SPIN1: variants seen among roughly 807,000 people sequenced by gnomAD.
SPIN1 encodes the protein spindlin-1.
SPIN1 carries 3 observed loss-of-function variants against 26.0 expected under a neutral mutation model. That is an observed-to-expected ratio of 0.12 (90% CI 0.05 to 0.30). The LOEUF is 0.30. Among genes scored for constraint, SPIN1 ranks in the 10% least tolerant of loss-of-function variants. SPIN1 has a pLI of 1.00. For missense variants in SPIN1, 126 were observed against 333.4 expected (o/e 0.38, Z 4.84); for synonymous variants, 101 against 116.5 (o/e 0.87, Z 0.86).
chr9:88,455,667 T>G (rs564140458), intron 3 of SPIN1, among the ~76,000 whole-genome samples: 14 of 152,298 alleles, frequency 9.2e-5, no homozygotes, highest in South Asian at 2.1e-4. Context: ...TTTTTACACT[T>G]GTGGGTTTTT....
At chr9:88,396,193 C>T (rs1186523175) in intron 1 of SPIN1, among the ~76,000 whole-genome samples, 1 of 149,028 alleles carries the variant, frequency 6.7e-6, no homozygotes, top group Non-Finnish European at 1.5e-5. Flanking sequence ...GAGCTGAGAT[C>T]GCGCCATTGC....
intron 1 of SPIN1, among the ~76,000 whole-genome samples, chr9:88,393,445 GTTTTTTTTTTTTTTTT>G (rs57244433): frequency 2.3e-5 from 2 of 88,428 alleles, no homozygotes; most frequent in African/African-American, 5.6e-5. Context: ...TTGCTTTTGG[GTTTTTTTTTTTTTTTT>G]TTTTTTTTTT....
chr9:88,458,857 C>A (rs1828524747), intron 3 of SPIN1, among the ~76,000 whole-genome samples: 1 of 152,092 alleles, frequency 6.6e-6, no homozygotes, highest in South Asian at 2.1e-4. Context: ...TCCGAGGAGG[C>A]CAGTTTTTTT....
At chr9:88,410,574 A>C in intron 1 of SPIN1, 1 of 843,676 alleles carries the variant, frequency 1.2e-6, no homozygotes, top group Admixed American at 1.7e-5. Flanking sequence ...TACTGGAACC[A>C]CCATAGTAGC....
At chr9:88,433,273 G>A (rs1158525852) in intron 2 of SPIN1, among the ~76,000 whole-genome samples, 1 of 152,032 alleles carries the variant, frequency 6.6e-6, no homozygotes, top group Non-Finnish European at 1.5e-5. Flanking sequence ...TGTAGAGATG[G>A]GGTTTCGCCA....
intron 3 of SPIN1, 42 bp from the exon 4 acceptor site, chr9:88,462,454 C>T (rs1828593442): frequency 6.3e-7 from 1 of 1,593,812 alleles, no homozygotes; most frequent in South Asian, 1.1e-5. Context: ...GGCATGCATA[C>T]TTTTGAGATA....
intron 1 of SPIN1, among the ~76,000 whole-genome samples, chr9:88,424,768 A>C (rs928798429): frequency 3.3e-5 from 5 of 152,114 alleles, no homozygotes; most frequent in African/African-American, 1.2e-4. Context: ...AGAATAGATG[A>C]AGTGTAGGGT....
intron 4 of SPIN1, 148 bp from the exon 5 acceptor site, chr9:88,468,224 C>CT (rs1284251748): frequency 1.9e-6 from 1 of 526,306 alleles, no homozygotes; most frequent in African/African-American, 2.0e-5. Flanking sequence ...GGTTTTTGTA[C>CT]TTTTTAAAGC....
At chr9:88,415,962 T>C (rs1182309852) in intron 1 of SPIN1, among the ~76,000 whole-genome samples, 2 of 151,236 alleles carry the variant, frequency 1.3e-5, no homozygotes, top group Non-Finnish European at 2.9e-5. Flanking sequence ...TTCACTGTGT[T>C]AGCCAGGATG....
chr9:88,402,937 C>A (rs1461655902), intron 1 of SPIN1, among the ~76,000 whole-genome samples: 4 of 152,086 alleles, frequency 2.6e-5, no homozygotes, highest in Non-Finnish European at 5.9e-5. Context: ...ATAAGAGTTC[C>A]CTTTTCTCCG....
At chr9:88,415,798 C>G (rs1027634130) in intron 1 of SPIN1, 1 of 152,018 alleles carries the variant, frequency 6.6e-6, no homozygotes, top group Non-Finnish European at 1.5e-5. Flanking sequence ...GGCTGGAGTG[C>G]AGTGGTGCAA....
chr9:88,456,516 C>T (rs76337405), intron 3 of SPIN1, among the ~76,000 whole-genome samples: 44 of 152,274 alleles, frequency 2.9e-4, no homozygotes, highest in Non-Finnish European at 5.9e-4. Context: ...ATTGATTGTA[C>T]AGAATTGGCA....
intron 4 of SPIN1, among the ~76,000 whole-genome samples, chr9:88,467,500 C>T (rs1164323926): frequency 6.6e-6 from 1 of 152,100 alleles, no homozygotes; most frequent in Non-Finnish European, 1.5e-5. Context: ...AACCGGCCTT[C>T]TGAAGGTATG....
chr9:88,435,729 C>A (rs923617312), intron 2 of SPIN1, among the ~76,000 whole-genome samples: 7 of 151,860 alleles, frequency 4.6e-5, no homozygotes, highest in Admixed American at 3.9e-4. Context: ...GGTCATTTAC[C>A]TTCTTACACT....
intron 1 of SPIN1, among the ~76,000 whole-genome samples, chr9:88,406,039 G>GTGTGTGTGTGTGTGTA (rs1827302453): frequency 1.4e-5 from 2 of 141,106 alleles, no homozygotes; most frequent in Non-Finnish European, 3.0e-5. Flanking sequence ...GTGTGTGTGT[G>GTGTGTGTGTGTGTGTA]TGTACGTGTA....
At chr9:88,469,955 T>C (rs971101722) in intron 5 of SPIN1, among the ~76,000 whole-genome samples, 2 of 152,196 alleles carry the variant, frequency 1.3e-5, no homozygotes, top group African/African-American at 2.4e-5. Flanking sequence ...AAGAAAACTT[T>C]GTATCTGTTA....
At chr9:88,470,307 T>C (rs982628563) in intron 5 of SPIN1, among the ~76,000 whole-genome samples, 1 of 152,204 alleles carries the variant, frequency 6.6e-6, no homozygotes, top group African/African-American at 2.4e-5. Flanking sequence ...GTGGACATGT[T>C]TTATTTCCTT....
chr9:88,401,422 G>A (rs181918715), intron 1 of SPIN1, among the ~76,000 whole-genome samples: 44 of 152,112 alleles, frequency 2.9e-4, no homozygotes, highest in South Asian at 8.3e-4. Context: ...CCCACACTCC[G>A]CCTGCCTCCC....
chr9:88,398,667 G>A (rs543321478), intron 1 of SPIN1, among the ~76,000 whole-genome samples: 46 of 151,412 alleles, frequency 3.0e-4, no homozygotes, highest in African/African-American at 9.4e-4. Flanking sequence ...CCTCCGCCTC[G>A]TGGGATCAAG....
Sources: allele counts gnomAD v4.1 joint callset (sites outside exome capture counted in the v4.1 genomes callset), GRCh38; gene constraint gnomAD v4.1.1; transcripts MANE v1.5; gene names NCBI Gene and HGNC (gene_info 2026-07-23, HGNC 2026-07-21).